NTAN1: variants seen among roughly 807,000 people sequenced by gnomAD.
The protein encoded by NTAN1 is protein N-terminal asparagine amidohydrolase.
NTAN1 carries 32 observed loss-of-function variants against 41.9 expected under a neutral mutation model. The observed-to-expected ratio is 0.76, with a 90% CI of 0.58 to 1.03. The LOEUF (loss-of-function observed/expected upper bound fraction) is 1.03, where lower values mean the gene tolerates loss of function less well. Among genes scored for constraint, NTAN1 ranks in the 50% least tolerant of loss-of-function variants. The pLI is 0.00. For synonymous variants in NTAN1, 140 were observed against 139.5 expected, an observed-to-expected ratio of 1.00 and a Z score of -0.03; for missense variants, 377 against 377.5, an observed-to-expected ratio of 1.00 and a Z score of 0.01.
rs919630328 is a variant in NTAN1, at chr16:15,056,011, G to C, written c.-40C>G. 18 of 1,113,790 alleles carry C rather than the reference G, an allele frequency of 1.6e-5. No homozygotes were observed. The highest frequency in any genetic ancestry group is 1.8e-5 in the Non-Finnish European group (16 of 894,206). 69.0% of individuals were successfully genotyped at this position (1,113,790 alleles called of 1,614,324 possible). A position where few individuals can be genotyped will look rare whatever the true frequency, so the allele number is the denominator to read the frequency against. On this transcript the variant is annotated 5_prime_UTR_variant, in exon 1 of 10. Transcript: ENST00000287706. Reference sequence around the variant, plus strand: ...CCCAGGCAGGCCCAGGGAGGCGGCGGCCCCCCGCTTTGCAGCCCCGGGCCG... The same window carrying C: ...CCCAGGCAGGCCCAGGGAGGCGGCGCCCCCCCGCTTTGCAGCCCCGGGCCG...
chr16:15,042,610 A>G (rs190620446), intron 5 of NTAN1, among the ~76,000 whole-genome samples: 1 of 152,212 alleles, frequency 6.6e-6, no homozygotes, highest in African/African-American at 2.4e-5. Flanking sequence ...ATTTCCTGTT[A>G]TAAGTAATGT....
chr16:15,055,467 C>A (rs1015332856), intron 1 of NTAN1, among the ~76,000 whole-genome samples: 28 of 152,326 alleles, frequency 1.8e-4, no homozygotes, highest in African/African-American at 6.7e-4. Flanking sequence ...CCTGGAATAA[C>A]CTCCTGCTTC....
At chr16:15,051,746 G>A (rs1477400525) in intron 1 of NTAN1, among the ~76,000 whole-genome samples, 5 of 139,310 alleles carry the variant, frequency 3.6e-5, no homozygotes, top group Non-Finnish European at 6.1e-5. Flanking sequence ...TGTTGCCCAG[G>A]CTGAAGTGCT....
intron 4 of NTAN1, among the ~76,000 whole-genome samples, chr16:15,046,886 G>A (rs977860900): frequency 1.3e-5 from 2 of 151,792 alleles, no homozygotes; most frequent in African/African-American, 4.8e-5. Context: ...ACAACAAAAA[G>A]AGAACAAGAA....
intron 4 of NTAN1, among the ~76,000 whole-genome samples, chr16:15,046,564 G>A (rs1483619237): frequency 6.6e-6 from 1 of 152,154 alleles, no homozygotes; most frequent in South Asian, 2.1e-4. Flanking sequence ...GCTAGAGGCC[G>A]CTTCTTATCC....
intron 5 of NTAN1, among the ~76,000 whole-genome samples, chr16:15,041,939 A>G (rs565966917): frequency 6.6e-6 from 1 of 152,234 alleles, no homozygotes; most frequent in East Asian, 1.9e-4. Context: ...TTTTCTCTTC[A>G]TTCTGAGAGT....
At chr16:15,039,500 T>G (rs1391646850) in intron 8 of NTAN1, among the ~76,000 whole-genome samples, 2 of 152,228 alleles carry the variant, frequency 1.3e-5, no homozygotes, top group African/African-American at 2.4e-5. Context: ...GTAATTTAAT[T>G]AAGCACCCTA....
chr16:15,056,043 G>T lies in NTAN1; in HGVS notation c.-72C>A. 3.0e-6 allele frequency: 2 copies of T among 665,282 alleles called. No individual in the cohort carries two copies. Among genetic ancestry groups the T allele is most frequent in the African/African-American group, 1.9e-5 (1 of 51,706 alleles). The allele number at this position is 665,282 out of a possible 1,614,324, so 41.2% of individuals were successfully genotyped here. A position where few individuals can be genotyped will look rare whatever the true frequency, so the allele number is the denominator to read the frequency against. ...GCTTTGCAGCCCCGGGCCGCCCGCC[G>T]CCCCCGCCCCTCGGGCCGCGCGTCC... On this transcript the variant is annotated 5_prime_UTR_variant, in exon 1 of 10. Coordinates refer to ENST00000287706, the MANE Select transcript of NTAN1 (RefSeq NM_173474.4).
intron 1 of NTAN1, among the ~76,000 whole-genome samples, chr16:15,052,152 GTC>G (rs1455017953): frequency 1.3e-5 from 2 of 152,176 alleles, no homozygotes; most frequent in Non-Finnish European, 2.9e-5. Flanking sequence ...CAAGGCCGCA[GTC>G]TCTGTCACAA....
At chr16:15,043,580 T>A (rs1181473897) in intron 5 of NTAN1, among the ~76,000 whole-genome samples, 2 of 152,168 alleles carry the variant, frequency 1.3e-5, no homozygotes, top group Non-Finnish European at 2.9e-5. Flanking sequence ...TGTACCATCA[T>A]ATGAGTAAGC....
intron 9 of NTAN1, 125 bp from the exon 10 acceptor site, chr16:15,038,335 T>C (rs1489290284): frequency 1.9e-5 from 12 of 640,958 alleles, no homozygotes; most frequent in Non-Finnish European, 2.9e-5. Context: ...AGAAATGAGG[T>C]GGCCTGAATT....
chr16:15,048,061 T>A lies in NTAN1; in HGVS notation c.120A>T (p.Gln40His). Residue 40 changes from glutamine (Q) to histidine (H), a missense_variant, in exon 2 of 10, where the codon CAA (glutamine) becomes CAT (histidine). Coordinates refer to ENST00000287706, the MANE Select transcript of NTAN1 (RefSeq NM_173474.4). ...ARLLRGQSVQ[Q>H]VGPQGLLYVQ... ...CATACAGAAGGCCCTGGGGTCCCACTTGTTGAACAGACTGACCTCTGAGAA... is the reference window on the plus strand; with the variant it reads ...CATACAGAAGGCCCTGGGGTCCCACATGTTGAACAGACTGACCTCTGAGAA... The A allele has an allele frequency of 6.2e-7, 1 of 1,613,230 alleles. No individual in the cohort carries two copies. The highest frequency in any genetic ancestry group is 8.5e-7 in the Non-Finnish European group (1 of 1,179,200).
chr16:15,054,186 A>C (rs1597824838), intron 1 of NTAN1, among the ~76,000 whole-genome samples: 1 of 152,272 alleles, frequency 6.6e-6, no homozygotes, highest in East Asian at 1.9e-4. Context: ...TCTCCTTTTC[A>C]AATCTCTCTC....
Position 15,040,056 on chromosome 16 carries a change from A to G in NTAN1, c.552T>C (p.Ile184=), listed in dbSNP as rs1167279556. 1 of 1,598,296 alleles carries G rather than the reference A, an allele frequency of 6.3e-7. No homozygotes were observed. Among genetic ancestry groups the G allele is most frequent in the East Asian group, 2.2e-5 (1 of 44,756 alleles). The change falls in exon 8 of 10, where the codon ATT becomes ATC. Residue 184 remains isoleucine (I), a synonymous_variant. Coordinates refer to ENST00000287706, the MANE Select transcript of NTAN1 (RefSeq NM_173474.4). ...FPVIYGIAVN[I]KTAEIYRASF... The stretch of plus-strand genomic sequence containing the variant: ...ATGCTCTGTAAATCTCTGCAGTCTT[A>G]ATGTTGACAGCTGTGAGGGACAACA...
chr16:15,042,868 G>T (rs1360502553), intron 5 of NTAN1, among the ~76,000 whole-genome samples: 1 of 151,406 alleles, frequency 6.6e-6, no homozygotes, highest in Admixed American at 6.6e-5. Flanking sequence ...GAATAGCTGG[G>T]ATTACAGGCG....
At chr16:15,050,727 G>A (rs2044260711) in intron 1 of NTAN1, among the ~76,000 whole-genome samples, 1 of 150,506 alleles carries the variant, frequency 6.6e-6, no homozygotes, top group Admixed American at 6.6e-5. Flanking sequence ...CCAAGACCCT[G>A]CCTCAAAAAA....
At chr16:15,052,031 C>T (rs1439879853) in intron 1 of NTAN1, among the ~76,000 whole-genome samples, 1 of 152,018 alleles carries the variant, frequency 6.6e-6, no homozygotes, top group Admixed American at 6.6e-5. Flanking sequence ...AAAGCTTTTC[C>T]CTCAGTCCCT....
At chr16:15,049,841 G>C (rs780948592) in intron 1 of NTAN1, among the ~76,000 whole-genome samples, 25 of 152,018 alleles carry the variant, frequency 1.6e-4, no homozygotes, top group Admixed American at 1.0e-3. Context: ...GAAAACTATG[G>C]GAAAAAGAGT....
At position 15,056,027 on chromosome 16, in the gene NTAN1, C is replaced by T. The variant is rs2044503679; in HGVS notation, c.-56G>A. 2 of 851,730 alleles carry T rather than the reference C, an allele frequency of 2.3e-6. No homozygotes were observed. Among genetic ancestry groups the T allele is most frequent in the Non-Finnish European group, 3.0e-6 (2 of 673,184 alleles). The allele number at this position is 851,730 out of a possible 1,614,324, so 52.8% of individuals were successfully genotyped here. On this transcript the variant is annotated 5_prime_UTR_variant, in exon 1 of 10. Coordinates refer to ENST00000287706, the MANE Select transcript of NTAN1 (RefSeq NM_173474.4). ...GAGGCGGCGGCCCCCCGCTTTGCAG[C>T]CCCGGGCCGCCCGCCGCCCCCGCCC...
Sources: gnomAD v4.1 joint callset for allele counts (sites outside exome capture counted in the v4.1 genomes callset) on GRCh38, gnomAD v4.1.1 for gene constraint, MANE v1.5 for transcripts, NCBI Gene and HGNC (gene_info 2026-07-23, HGNC 2026-07-21) for gene names.